The following RCC1L variants were observed in gnomAD, a reference collection of about 807,000 sequenced individuals.
RCC1L encodes the protein RCC1-like G exchanging factor-like protein.
Under a neutral mutation model 58.6 loss-of-function variants are expected in RCC1L, and 46 were observed. The observed-to-expected ratio is 0.79, with a 90% CI of 0.62 to 1.00. The LOEUF is 1.00. RCC1L is among the 50% of genes least tolerant of loss of function. The pLI, the probability that RCC1L is intolerant of heterozygous loss-of-function variation, is 0.00. For missense variants in RCC1L, 636 were observed against 623.6 expected, an observed-to-expected ratio of 1.02 and a Z score of -0.21; for synonymous variants, 281 against 262.9, an observed-to-expected ratio of 1.07 and a Z score of -0.67.
chr7:75,038,258 T>C (rs945090714), downstream of RCC1L, among the ~76,000 whole-genome samples: 3 of 151,988 alleles, frequency 2.0e-5, no homozygotes, highest in Non-Finnish European at 4.4e-5. Context: ...GAACAGTTGT[T>C]TGTTTGTTTT....
chr7:75,048,325 G>A (rs1471395565), intron 10 of RCC1L, among the ~76,000 whole-genome samples: 5 of 151,316 alleles, frequency 3.3e-5, no homozygotes, highest in East Asian at 1.9e-4. Flanking sequence ...GGAAGGAGTC[G>A]TATAAGCGAG....
Position 75,056,048 on chromosome 7 carries a change from AG to A in RCC1L, c.1083del (p.Tyr362MetfsTer10). The A allele has an allele frequency of 1.2e-6, 2 of 1,613,994 alleles. No homozygotes were observed. Among genetic ancestry groups the A allele is most frequent in the Non-Finnish European group, 1.7e-6 (2 of 1,179,872 alleles). On this transcript the variant is annotated frameshift_variant, in exon 9 of 11. Coordinates refer to ENST00000610322, the MANE Select transcript of RCC1L (RefSeq NM_030798.5). LOFTEE classifies it high-confidence loss of function. Reference sequence around the variant, plus strand: ...TTTGGACCTTTCCCAAGAATTCCATAGCCCCAGACAAAAACATGTCCTTCTC... The same window carrying A: ...TTTGGACCTTTCCCAAGAATTCCATACCCCAGACAAAAACATGTCCTTCTC... ...LNGEGHVFVW[G>X]YGILGKGPNL... is the part of the protein sequence containing the mutation.
intron 10 of RCC1L, among the ~76,000 whole-genome samples, chr7:75,030,014 C>G (rs879107261): frequency 0.11 from 16,653 of 152,190 alleles, 954 homozygotes; most frequent in South Asian, 0.12. Flanking sequence ...ACGAAAGAGG[C>G]CCCAGGGAAG....
chr7:75,073,394 G>A lies in RCC1L; in HGVS notation c.324+20C>T. 1.8e-6 allele frequency: 2 copies of A among 1,097,700 alleles called. No individual in the cohort carries two copies. The highest frequency in any genetic ancestry group is 2.4e-6 in the Non-Finnish European group (2 of 831,806). 68.0% of individuals were successfully genotyped at this position (1,097,700 alleles called of 1,614,324 possible). A position where few individuals can be genotyped will look rare whatever the true frequency, so the allele number is the denominator to read the frequency against. ...CGCGGAAGAGAGAGAAGGAGAGAAG[G>A]AGGAAGCCGCGGCCTGCACCTTTTG... On this transcript the variant is annotated intron_variant, in intron 1 of 10. Transcript: ENST00000610322.
chr7:75,058,253 T>TC (rs1806145130), intron 7 of RCC1L: 1 of 334,082 alleles, frequency 3.0e-6, no homozygotes, highest in Non-Finnish European at 5.7e-6. Context: ...CTCTTTTTTT[T>TC]CGAGACAGAG....
chr7:75,073,431 G>A lies in RCC1L; in HGVS notation c.307C>T (p.Leu103=). Residue 103 remains leucine, a synonymous_variant, in exon 1 of 11, where the codon CTG becomes TTG. Transcript: ENST00000610322. Reference sequence around the variant, plus strand: ...GCCTGCACCTTTTGGTCCAGCTCCAGGCGATAGGGCACGGGCTGGATCCTG... The same window carrying A: ...GCCTGCACCTTTTGGTCCAGCTCCAAGCGATAGGGCACGGGCTGGATCCTG... ...RRRIQPVPYR[L]ELDQKISSAA... 1 of 1,327,954 alleles carries A rather than the reference G, an allele frequency of 7.5e-7. No individual in the cohort carries two copies. The highest frequency in any genetic ancestry group is 3.1e-5 in the East Asian group (1 of 32,330). 82.3% of individuals were successfully genotyped at this position (1,327,954 alleles called of 1,614,324 possible). A position where few individuals can be genotyped will look rare whatever the true frequency, so the allele number is the denominator to read the frequency against.
At chr7:75,057,655 G>A (rs1806124599) in intron 7 of RCC1L, 39 bp from the exon 8 acceptor site, 6 of 1,600,060 alleles carry the variant, frequency 3.7e-6, no homozygotes, top group Admixed American at 3.3e-5. Flanking sequence ...AGGAAAGCAA[G>A]CCAGTAAGGA....
At chr7:75,029,020 T>C (rs997883052) in intron 10 of RCC1L, among the ~76,000 whole-genome samples, 18 of 152,322 alleles carry the variant, frequency 1.2e-4, no homozygotes, top group African/African-American at 4.3e-4. Flanking sequence ...AGGGTGACAT[T>C]TGTTCAGCAG....
At position 75,057,590 on chromosome 7, in the gene RCC1L, G is replaced by A. The variant is rs1806121943; in HGVS notation, c.996C>T (p.Phe332=). 1 of 1,613,832 alleles carries A rather than the reference G, an allele frequency of 6.2e-7. No homozygotes were observed. Among genetic ancestry groups the A allele is most frequent in the Middle Eastern group, 1.6e-4 (1 of 6,078 alleles). The change falls in exon 8 of 11, where the codon TTC becomes TTT. Residue 332 remains phenylalanine, a synonymous_variant. Coordinates refer to ENST00000610322, the MANE Select transcript of RCC1L (RefSeq NM_030798.5). ...CCTGTCGCACCTTCCCCACTCCTGA[G>A]AAGTGTAAGCAGCGGGGCACATTCA... The part of the protein sequence containing the change: ...TQVNVPRCLH[F]SGVGKVRQAA...
chr7:75,052,743 C>G lies in RCC1L; in HGVS notation c.1285G>C (p.Gly429Arg), dbSNP rs1175414942. 3.7e-6 allele frequency: 6 copies of G among 1,613,184 alleles called. No individual in the cohort carries two copies. Among genetic ancestry groups the G allele is most frequent in the Non-Finnish European group, 4.2e-6 (5 of 1,179,694 alleles). ...GGGAAATACTGGTCCTCCAGGCGAC[C>G]GATTCCCAGGCACCCTCGGATGTTC... The part of the protein sequence containing the change: ...GKNIRGCLGI[G>R]RLEDQYFPWR... The change falls in exon 10 of 11, where the codon GGT becomes CGT. Residue 429 changes from glycine to arginine, a missense_variant. Coordinates refer to ENST00000610322, the MANE Select transcript of RCC1L (RefSeq NM_030798.5).
chr7:75,061,022 T>A (rs953821947), intron 6 of RCC1L, among the ~76,000 whole-genome samples, 185 bp downstream of exon 6: 2 of 152,174 alleles, frequency 1.3e-5, no homozygotes, highest in Non-Finnish European at 2.9e-5. Context: ...TGCAGTGAGA[T>A]GTGATCGCGC....
intron 8 of RCC1L, among the ~76,000 whole-genome samples, chr7:75,057,325 C>T (rs1308836013): frequency 6.6e-6 from 1 of 152,022 alleles, no homozygotes; most frequent in East Asian, 1.9e-4. Context: ...TTATGTTGTC[C>T]AGGCTGGTCT....
intron 10 of RCC1L, among the ~76,000 whole-genome samples, chr7:75,048,844 G>A (rs1343767953): frequency 5.3e-5 from 8 of 152,228 alleles, no homozygotes; most frequent in Non-Finnish European, 1.2e-4. Flanking sequence ...GTGGGTGGCC[G>A]TGGAAAGACC....
At chr7:75,058,025 G>A in intron 7 of RCC1L, 1 of 301,936 alleles carries the variant, frequency 3.3e-6, no homozygotes, top group Non-Finnish European at 6.4e-6. Context: ...GGGCGTGGTG[G>A]CAAGTGCCTG....
At chr7:75,052,155 T>C (rs1353487743) in intron 10 of RCC1L, among the ~76,000 whole-genome samples, 3 of 152,340 alleles carry the variant, frequency 2.0e-5, no homozygotes, top group East Asian at 3.9e-4. Context: ...ACTTTATTTT[T>C]TCACTTCATA....
intron 10 of RCC1L, among the ~76,000 whole-genome samples, chr7:75,032,277 T>A (rs1379037199): frequency 6.6e-6 from 1 of 151,850 alleles, no homozygotes; most frequent in Non-Finnish European, 1.5e-5. Flanking sequence ...AAGGGAAGGG[T>A]CAGGGGCTGG....
intron 10 of RCC1L, among the ~76,000 whole-genome samples, chr7:75,046,449 G>C (rs912239680): frequency 3.3e-5 from 5 of 152,162 alleles, no homozygotes; most frequent in Non-Finnish European, 7.3e-5. Flanking sequence ...GAGGGCTCTG[G>C]CCATTCAAGC....
chr7:75,056,802 G>T, intron 8 of RCC1L: 1 of 1,362,228 alleles, frequency 7.3e-7, no homozygotes, highest in Non-Finnish European at 1.0e-6. Flanking sequence ...CTAATCCAAT[G>T]CCATCTTCCC....
chr7:75,045,120 C>T (rs922639498), intron 10 of RCC1L, among the ~76,000 whole-genome samples: 1 of 150,358 alleles, frequency 6.7e-6, no homozygotes, highest in African/African-American at 2.4e-5. Context: ...GTGATTTTCC[C>T]GCCTTAGCCT....
Sources: gnomAD v4.1 joint callset for allele counts (sites outside exome capture counted in the v4.1 genomes callset) on GRCh38, gnomAD v4.1.1 for gene constraint, MANE v1.5 for transcripts, NCBI Gene and HGNC (gene_info 2026-07-23, HGNC 2026-07-21) for gene names.